PDE10A: variants seen among roughly 807,000 people sequenced by gnomAD.
PDE10A encodes the protein cAMP and cAMP-inhibited cGMP 3',5'-cyclic phosphodiesterase 10A.
Under a neutral mutation model 97.7 loss-of-function variants are expected in PDE10A, and 39 were observed. That is an observed-to-expected ratio of 0.40 (90% CI 0.31 to 0.52). The LOEUF is 0.52. Among genes scored for constraint, PDE10A ranks in the 20% least tolerant of loss-of-function variants. The pLI is 0.56. For synonymous variants in PDE10A, 371 were observed against 376.8 expected (o/e 0.98, Z 0.18); for missense variants, 731 against 1,047.8 (o/e 0.70, Z 4.17).
At chr6:165,338,986 G>A (rs1225598391) in intron 20 of PDE10A, among the ~76,000 whole-genome samples, 3 of 152,194 alleles carry the variant, frequency 2.0e-5, no homozygotes, top group Admixed American at 6.5e-5. Context: ...AGAGTTGGCC[G>A]TCAAACTCAG....
intron 1 of PDE10A, among the ~76,000 whole-genome samples, chr6:165,624,461 C>G (rs1788289996): frequency 6.6e-6 from 1 of 152,226 alleles, no homozygotes; most frequent in Admixed American, 6.5e-5. Context: ...TGTAATTCGT[C>G]AGCTCTGATT....
At chr6:165,653,205 AC>A (rs1789769379) in intron 1 of PDE10A, among the ~76,000 whole-genome samples, 1 of 152,214 alleles carries the variant, frequency 6.6e-6, no homozygotes, top group Non-Finnish European at 1.5e-5. Flanking sequence ...AAGCACCTTC[AC>A]TATTTATTCA....
chr6:165,494,945 C>T (rs117202538), intron 2 of PDE10A, among the ~76,000 whole-genome samples: 7,610 of 152,090 alleles, frequency 0.05, 269 homozygotes, highest in South Asian at 0.091. Flanking sequence ...GTGAAGCACA[C>T]GTATCTTCTC....
At position 165,510,823 on chromosome 6, in the gene PDE10A, A is replaced by G. The variant is rs4709945; in HGVS notation, c.995-28480T>C. ...GCAGTTTGTTAGTGTATAGTTGTGCATAACAGTTTATGATGATCTTTTGTA... is the reference window on the plus strand; with the variant it reads ...GCAGTTTGTTAGTGTATAGTTGTGCGTAACAGTTTATGATGATCTTTTGTA... On this transcript the variant is annotated intron_variant, in intron 2 of 21. Transcript: ENST00000539869. 3.6e-3 allele frequency among the ~76,000 whole-genome samples: 546 copies of G among 152,154 alleles called. 15 individuals carry two copies. The highest frequency in any genetic ancestry group is 0.027 in the Admixed American group (416 of 15,254).
At chr6:165,726,753 G>A (rs774266762) in intron 1 of PDE10A, among the ~76,000 whole-genome samples, 15 of 152,258 alleles carry the variant, frequency 9.9e-5, no homozygotes, top group Non-Finnish European at 1.6e-4. Context: ...GCACCGGGAA[G>A]ACAGGCCATC....
intron 1 of PDE10A, among the ~76,000 whole-genome samples, chr6:165,609,978 T>G (rs559125538): frequency 6.6e-6 from 1 of 152,288 alleles, no homozygotes; most frequent in African/African-American, 2.4e-5. Flanking sequence ...AAGCTACCAA[T>G]GACTTTCTTC....
chr6:165,730,901 C>T (rs1030369401), intron 1 of PDE10A, among the ~76,000 whole-genome samples: 1 of 151,902 alleles, frequency 6.6e-6, no homozygotes, highest in African/African-American at 2.4e-5. Context: ...AAAAAATTAG[C>T]CTGGCGTGGT....
At chr6:165,373,222 G>A (rs1430982158) in intron 18 of PDE10A, among the ~76,000 whole-genome samples, 2 of 150,940 alleles carry the variant, frequency 1.3e-5, no homozygotes, top group Non-Finnish European at 3.0e-5. Flanking sequence ...AGACAAAATT[G>A]ACAAATGGGA....
intron 17 of PDE10A, among the ~76,000 whole-genome samples, chr6:165,381,204 T>C (rs893097861): frequency 3.3e-5 from 5 of 152,218 alleles, no homozygotes; most frequent in African/African-American, 7.2e-5. Flanking sequence ...ATAAACTCAC[T>C]GCAATTCTAC....
intron 1 of PDE10A, among the ~76,000 whole-genome samples, chr6:165,915,830 G>A (rs1782590661): frequency 6.6e-6 from 1 of 152,192 alleles, no homozygotes; most frequent in Non-Finnish European, 1.5e-5. Flanking sequence ...CATCACTCAG[G>A]ATACTTCAAC....
intron 1 of PDE10A, among the ~76,000 whole-genome samples, chr6:165,779,610 T>G (rs1778291391): frequency 6.6e-6 from 1 of 152,236 alleles, no homozygotes; most frequent in East Asian, 1.9e-4. Flanking sequence ...TTTAATTATT[T>G]GGGGTGGTGG....
chr6:165,597,411 G>A (rs1349374565), intron 1 of PDE10A, among the ~76,000 whole-genome samples: 4 of 152,234 alleles, frequency 2.6e-5, no homozygotes, highest in Non-Finnish European at 2.9e-5. Flanking sequence ...TTCTCAAATC[G>A]TATGTAGAAA....
intron 1 of PDE10A, among the ~76,000 whole-genome samples, chr6:165,726,722 G>A (rs1792305784): frequency 2.0e-5 from 3 of 152,190 alleles, no homozygotes; most frequent in African/African-American, 2.4e-5. Context: ...GGCCAAGCCG[G>A]CCCTCCCCGG....
At chr6:165,704,377 T>C (rs1451084939) in intron 1 of PDE10A, among the ~76,000 whole-genome samples, 1 of 152,122 alleles carries the variant, frequency 6.6e-6, no homozygotes, top group Non-Finnish European at 1.5e-5. Flanking sequence ...CCCAGTACGG[T>C]AGGATATACT....
intron 1 of PDE10A, among the ~76,000 whole-genome samples, chr6:165,910,530 C>A (rs1782425326): frequency 6.6e-6 from 1 of 152,112 alleles, no homozygotes; most frequent in African/African-American, 2.4e-5. Context: ...TTGAAAGTTT[C>A]TTTTAATAAC....
intron 3 of PDE10A, among the ~76,000 whole-genome samples, chr6:165,461,196 A>T (rs1583327878): frequency 6.6e-6 from 1 of 152,358 alleles, no homozygotes; most frequent in Admixed American, 6.5e-5. Flanking sequence ...TATACAACCT[A>T]TGGGAGCATT....
intron 1 of PDE10A, among the ~76,000 whole-genome samples, chr6:165,559,047 AG>A (rs2128336222): frequency 6.6e-6 from 1 of 152,364 alleles, no homozygotes; most frequent in South Asian, 2.1e-4. Context: ...CCTAGCCAAC[AG>A]AAACTGGTGA....
chr6:165,750,092 T>G (rs943614083), intron 1 of PDE10A, among the ~76,000 whole-genome samples: 1 of 152,040 alleles, frequency 6.6e-6, no homozygotes, highest in Non-Finnish European at 1.5e-5. Context: ...TATTGAAGAC[T>G]CAGGAAGGTG....
chr6:165,618,354 C>CT (rs1583653224), intron 1 of PDE10A, among the ~76,000 whole-genome samples: 1 of 152,112 alleles, frequency 6.6e-6, no homozygotes, highest in Non-Finnish European at 1.5e-5. Context: ...GGTCTAAAGA[C>CT]TAACAGCCTG....
Sources: gnomAD v4.1 joint callset for allele counts (sites outside exome capture counted in the v4.1 genomes callset) on GRCh38, gnomAD v4.1.1 for gene constraint, MANE v1.5 for transcripts, NCBI Gene and HGNC (gene_info 2026-07-23, HGNC 2026-07-21) for gene names.